The following KCTD8 variants were observed in gnomAD, a reference collection of about 807,000 sequenced individuals.
The protein encoded by KCTD8 is BTB/POZ domain-containing protein KCTD8.
Under a neutral mutation model 31.5 loss-of-function variants are expected in KCTD8, and 27 were observed. The ratio of observed to expected loss-of-function variants is 0.86; its 90% confidence interval spans 0.63 to 1.18. The LOEUF is 1.18. Among genes scored for constraint, KCTD8 ranks in the 50% most tolerant of loss-of-function variants. The pLI is 0.00. For synonymous variants in KCTD8, 290 were observed against 280.0 expected, an observed-to-expected ratio of 1.04 and a Z score of -0.36; for missense variants, 658 against 647.7, an observed-to-expected ratio of 1.02 and a Z score of -0.17.
At chr4:44,387,188 T>C (rs1720245502) in intron 1 of KCTD8, among the ~76,000 whole-genome samples, 1 of 151,440 alleles carries the variant, frequency 6.6e-6, no homozygotes, top group South Asian at 2.1e-4. Context: ...ATCTCTACAA[T>C]GAGAAATACA....
At chr4:44,404,181 T>C (rs1022536009) in intron 1 of KCTD8, among the ~76,000 whole-genome samples, 1 of 152,172 alleles carries the variant, frequency 6.6e-6, no homozygotes, top group African/African-American at 2.4e-5. Flanking sequence ...ACACAAAATA[T>C]CTGTATTTTG....
chr4:44,254,382 C>A (rs184290517), intron 1 of KCTD8, among the ~76,000 whole-genome samples: 300 of 151,998 alleles, frequency 2.0e-3, no homozygotes, highest in African/African-American at 7.0e-3. Context: ...GGTCACAATG[C>A]CAATGACACC....
intron 1 of KCTD8, among the ~76,000 whole-genome samples, chr4:44,391,851 A>G (rs910039744): frequency 1.3e-5 from 2 of 151,990 alleles, no homozygotes; most frequent in African/African-American, 4.8e-5. Flanking sequence ...GACAAAGTTA[A>G]TCCACGTGAT....
intron 1 of KCTD8, among the ~76,000 whole-genome samples, chr4:44,288,780 C>A (rs980494164): frequency 6.6e-6 from 1 of 151,910 alleles, no homozygotes; most frequent in South Asian, 2.1e-4. Flanking sequence ...AAATTAATTT[C>A]TTTCTGACTA....
chr4:44,229,254 T>C (rs1412081264), intron 1 of KCTD8, among the ~76,000 whole-genome samples: 3 of 152,212 alleles, frequency 2.0e-5, no homozygotes, highest in Non-Finnish European at 4.4e-5. Context: ...ATTATCACGT[T>C]GCCTCTCTAA....
chr4:44,337,950 G>A (rs983249412), intron 1 of KCTD8, among the ~76,000 whole-genome samples: 4 of 151,758 alleles, frequency 2.6e-5, no homozygotes, highest in Non-Finnish European at 4.4e-5. Flanking sequence ...ATGGATATGA[G>A]TGCTTAAGTA....
At chr4:44,206,870 T>C (rs370607665) in intron 1 of KCTD8, among the ~76,000 whole-genome samples, 244 of 152,334 alleles carry the variant, frequency 1.6e-3, no homozygotes, top group Non-Finnish European at 2.1e-3. Flanking sequence ...TAAGGTATGC[T>C]ATGCAGGTTA....
chr4:44,264,951 C>A (rs1716297988), intron 1 of KCTD8, among the ~76,000 whole-genome samples: 2 of 152,216 alleles, frequency 1.3e-5, no homozygotes, highest in Admixed American at 6.5e-5. Flanking sequence ...TAGGCTCCAC[C>A]TCTGGGGGCA....
intron 1 of KCTD8, among the ~76,000 whole-genome samples, chr4:44,190,519 A>C (rs1362961076): frequency 6.6e-6 from 1 of 152,190 alleles, no homozygotes; most frequent in Non-Finnish European, 1.5e-5. Context: ...AGGCTAAAGT[A>C]CTATATTTAT....
intron 1 of KCTD8, among the ~76,000 whole-genome samples, chr4:44,282,683 CAT>C (rs1404669944): frequency 6.6e-6 from 1 of 152,044 alleles, no homozygotes; most frequent in African/African-American, 2.4e-5. Context: ...CCAGTGAACA[CAT>C]GAGTGAAAAG....
intron 1 of KCTD8, among the ~76,000 whole-genome samples, chr4:44,373,169 C>A (rs1719833839): frequency 6.6e-6 from 1 of 152,034 alleles, no homozygotes; most frequent in South Asian, 2.1e-4. Context: ...TCGAGACCAG[C>A]CTGACCAACA....
chr4:44,238,257 A>G (rs1333219818), intron 1 of KCTD8, among the ~76,000 whole-genome samples: 1 of 151,908 alleles, frequency 6.6e-6, no homozygotes, highest in Non-Finnish European at 1.5e-5. Flanking sequence ...TTACTCCCTA[A>G]GGGAAGCTGC....
At position 44,302,057 on chromosome 4, in the gene KCTD8, GT is replaced by G. The variant is rs754988779; in HGVS notation, c.962-126808del. On this transcript the variant is annotated intron_variant, in intron 1 of 1. Coordinates refer to ENST00000360029, the MANE Select transcript of KCTD8 (RefSeq NM_198353.3). ...ATGTGGCGTTATTTCTGAGGGCTCT[GT>G]TTTGTTCCATTGATCTATATCTCTG... 2.7e-3 allele frequency among the ~76,000 whole-genome samples: 411 copies of G among 152,208 alleles called. 2 individuals carry two copies. The highest frequency in any genetic ancestry group is 4.2e-3 in the Non-Finnish European group (283 of 68,018).
intron 1 of KCTD8, among the ~76,000 whole-genome samples, chr4:44,289,654 C>T (rs1717210641): frequency 6.6e-6 from 1 of 152,120 alleles, no homozygotes; most frequent in Non-Finnish European, 1.5e-5. Context: ...TACACGAGAT[C>T]CCACAACCCC....
At chr4:44,380,948 A>T (rs980008951) in intron 1 of KCTD8, among the ~76,000 whole-genome samples, 1 of 152,020 alleles carries the variant, frequency 6.6e-6, no homozygotes, top group Non-Finnish European at 1.5e-5. Context: ...GAAGTCATGT[A>T]ATCTATTATT....
chr4:44,309,122 A>G (rs1717882437), intron 1 of KCTD8, among the ~76,000 whole-genome samples: 1 of 152,014 alleles, frequency 6.6e-6, no homozygotes, highest in African/African-American at 2.4e-5. Context: ...TACAGCCTCA[A>G]CCTCTGGGGT....
intron 1 of KCTD8, among the ~76,000 whole-genome samples, chr4:44,412,030 A>G (rs775079810): frequency 3.3e-5 from 5 of 152,216 alleles, no homozygotes; most frequent in Non-Finnish European, 7.3e-5. Context: ...GGGTGGCACA[A>G]TGTTGATATC....
chr4:44,372,799 C>T (rs1719824327), intron 1 of KCTD8, among the ~76,000 whole-genome samples: 1 of 152,138 alleles, frequency 6.6e-6, no homozygotes, highest in African/African-American at 2.4e-5. Context: ...TGCTTCAATT[C>T]TTTTAAAAAC....
intron 1 of KCTD8, among the ~76,000 whole-genome samples, chr4:44,214,815 C>T (rs940548313): frequency 6.6e-6 from 1 of 152,162 alleles, no homozygotes; most frequent in African/African-American, 2.4e-5. Context: ...TCAGAACTAA[C>T]CAATTAGCCA....
Sources: allele counts gnomAD v4.1 joint callset (sites outside exome capture counted in the v4.1 genomes callset), GRCh38; gene constraint gnomAD v4.1.1; transcripts MANE v1.5; gene names NCBI Gene and HGNC (gene_info 2026-07-23, HGNC 2026-07-21).